The following PKIA variants were observed in gnomAD, a reference collection of about 807,000 sequenced individuals.
The protein encoded by PKIA is PKI-alpha.
Under a neutral mutation model 7.6 loss-of-function variants are expected in PKIA, and 4 were observed. That is an observed-to-expected ratio of 0.52 (90% confidence interval 0.26 to 1.20). The LOEUF (loss-of-function observed/expected upper bound fraction) is 1.20. Ranked by LOEUF, PKIA falls within the 50% of genes most tolerant of loss-of-function variation. The pLI is 0.13. For missense variants in PKIA, 73 were observed against 86.2 expected, an observed-to-expected ratio of 0.85 and a Z score of 0.61; for synonymous variants, 21 against 30.7, an observed-to-expected ratio of 0.68 and a Z score of 1.04.
At chr8:78,593,412 T>A (rs1808151724) in intron 2 of PKIA, among the ~76,000 whole-genome samples, 1 of 152,124 alleles carries the variant, frequency 6.6e-6, no homozygotes, top group South Asian at 2.1e-4. Flanking sequence ...TGAGCCACCA[T>A]GCCTGGCCTA....
intron 1 of PKIA, among the ~76,000 whole-genome samples, chr8:78,537,890 T>C (rs1053389857): frequency 6.6e-6 from 1 of 152,100 alleles, no homozygotes; most frequent in Non-Finnish European, 1.5e-5. Context: ...TCATGTTTTC[T>C]TGCTTTAAAT....
chr8:78,601,862 A>C lies in PKIA; in HGVS notation c.*41A>C. 1 of 1,427,396 alleles carries C rather than the reference A, an allele frequency of 7.0e-7. No individual in the cohort carries two copies. Among genetic ancestry groups the C allele is most frequent in the Non-Finnish European group, 9.9e-7 (1 of 1,013,214 alleles). The allele number at this position is 1,427,396 out of a possible 1,614,324, so 88.4% of individuals were successfully genotyped here. A position where few individuals can be genotyped will look rare whatever the true frequency, so the allele number is the denominator to read the frequency against. On this transcript the variant is annotated 3_prime_UTR_variant, in exon 4 of 4. Transcript: ENST00000396418. The stretch of plus-strand genomic sequence containing the variant: ...CTCGACCACACCTGAAAATGTCTCA[A>C]ATCTCCAGGAGTATCTGGAATGCAT...
intron 2 of PKIA, among the ~76,000 whole-genome samples, chr8:78,590,320 CAA>C (rs375348036): frequency 6.0e-5 from 9 of 149,388 alleles, no homozygotes; most frequent in African/African-American, 2.2e-4. Flanking sequence ...ATTGCGTGGA[CAA>C]AAGACCATTT....
intron 2 of PKIA, among the ~76,000 whole-genome samples, chr8:78,596,502 G>A (rs1808229328): frequency 6.6e-6 from 1 of 152,170 alleles, no homozygotes; most frequent in Non-Finnish European, 1.5e-5. Context: ...GCCTCCCAGA[G>A]TGCTGGGATT....
At chr8:78,569,751 T>C (rs977300971) in intron 1 of PKIA, among the ~76,000 whole-genome samples, 5 of 152,130 alleles carry the variant, frequency 3.3e-5, no homozygotes, top group African/African-American at 7.2e-5. Flanking sequence ...AAAGCAATTA[T>C]GTATTTCTTA....
At chr8:78,549,124 A>C (rs111325374) in intron 1 of PKIA, among the ~76,000 whole-genome samples, 11 of 152,094 alleles carry the variant, frequency 7.2e-5, no homozygotes, top group African/African-American at 2.4e-4. Flanking sequence ...GGGTATATGT[A>C]TATGGGTGTT....
intron 1 of PKIA, among the ~76,000 whole-genome samples, chr8:78,567,594 G>C (rs947743464): frequency 1.3e-5 from 2 of 149,854 alleles, no homozygotes; most frequent in African/African-American, 5.0e-5. Flanking sequence ...GTCATCATCA[G>C]GTTTCTTCAC....
intron 1 of PKIA, among the ~76,000 whole-genome samples, chr8:78,543,400 T>G (rs1806744348): frequency 6.6e-6 from 1 of 152,192 alleles, no homozygotes; most frequent in Non-Finnish European, 1.5e-5. Flanking sequence ...TTCACCAGGC[T>G]AACAGATACC....
intron 1 of PKIA, among the ~76,000 whole-genome samples, chr8:78,571,190 T>G (rs996755548): frequency 6.6e-6 from 1 of 152,018 alleles, no homozygotes; most frequent in Admixed American, 6.6e-5. Flanking sequence ...ATACAAAGTT[T>G]TCCAGGAGAT....
chr8:78,532,242 A>T (rs1463421981), intron 1 of PKIA, among the ~76,000 whole-genome samples: 2 of 152,016 alleles, frequency 1.3e-5, no homozygotes, highest in African/African-American at 4.8e-5. Flanking sequence ...CTCAAAGCTT[A>T]TTTAATATTA....
At chr8:78,538,805 C>T (rs1392335067) in intron 1 of PKIA, among the ~76,000 whole-genome samples, 1 of 152,008 alleles carries the variant, frequency 6.6e-6, no homozygotes, top group Non-Finnish European at 1.5e-5. Context: ...GTTACCGTAG[C>T]ATATGTGGCT....
chr8:78,601,876 T>A lies in PKIA; in HGVS notation c.*55T>A. 1.5e-6 allele frequency: 2 copies of A among 1,302,094 alleles called. No homozygotes were observed. The highest frequency in any genetic ancestry group is 1.7e-5 in the Admixed American group (1 of 57,194). The allele number at this position is 1,302,094 out of a possible 1,614,324, so 80.7% of individuals were successfully genotyped here. On this transcript the variant is annotated 3_prime_UTR_variant, in exon 4 of 4. Transcript: ENST00000396418. The stretch of plus-strand genomic sequence containing the variant: ...AAAATGTCTCAAATCTCCAGGAGTA[T>A]CTGGAATGCATTTGTTTCCATGAGT...
Position 78,602,714 on chromosome 8 carries a change from T to TATATATATATATATATATATA in PKIA, c.*893_*894insATATATATATATATATATATA, listed in dbSNP as rs1563597495. The TATATATATATATATATATATA allele has an allele frequency of 6.8e-5, 10 of 147,988 alleles. No homozygotes were observed. Among genetic ancestry groups the TATATATATATATATATATATA allele is most frequent in the African/African-American group, 7.5e-5 (3 of 40,080 alleles). 9.2% of individuals were successfully genotyped at this position (147,988 alleles called of 1,614,324 possible). On this transcript the variant is annotated 3_prime_UTR_variant, in exon 4 of 4. Coordinates refer to ENST00000396418, the MANE Select transcript of PKIA (RefSeq NM_006823.4). The stretch of plus-strand genomic sequence containing the variant: ...CACATAATATATATATATATATATA[T>TATATATATATATATATATATA]TTTAATTTATGAGAATTTTGGACAA...
intron 1 of PKIA, among the ~76,000 whole-genome samples, chr8:78,552,887 A>T (rs1489007691): frequency 6.6e-6 from 1 of 151,948 alleles, no homozygotes; most frequent in Non-Finnish European, 1.5e-5. Flanking sequence ...CCCATTAATT[A>T]TCTTCAACAT....
intron 2 of PKIA, among the ~76,000 whole-genome samples, chr8:78,579,897 C>T (rs199591309): frequency 6.6e-6 from 1 of 152,018 alleles, no homozygotes; most frequent in East Asian, 1.9e-4. Flanking sequence ...ATATGGTTTA[C>T]AGACAACCCT....
intron 2 of PKIA, among the ~76,000 whole-genome samples, chr8:78,589,753 A>C (rs1297718190): frequency 1.3e-5 from 2 of 152,164 alleles, no homozygotes; most frequent in Non-Finnish European, 2.9e-5. Flanking sequence ...AGCAGTAAAA[A>C]AAAAAATTCA....
At chr8:78,532,439 G>T (rs1273125577) in intron 1 of PKIA, among the ~76,000 whole-genome samples, 3 of 151,548 alleles carry the variant, frequency 2.0e-5, no homozygotes, top group African/African-American at 7.3e-5. Context: ...AATTTTTCTA[G>T]GCGGAGCTTG....
chr8:78,590,516 C>G (rs1808069316), intron 2 of PKIA, among the ~76,000 whole-genome samples: 1 of 151,996 alleles, frequency 6.6e-6, no homozygotes, highest in Admixed American at 6.6e-5. Context: ...TGTACTTCAA[C>G]TAAAACAACA....
intron 1 of PKIA, chr8:78,533,908 TCA>T (rs1386556568): frequency 6.6e-6 from 1 of 151,890 alleles, no homozygotes; most frequent in African/African-American, 2.4e-5. Context: ...GCAAAAAAAC[TCA>T]GTTTAATATG....
Sources: gnomAD v4.1 joint callset for allele counts (sites outside exome capture counted in the v4.1 genomes callset) on GRCh38, gnomAD v4.1.1 for gene constraint, MANE v1.5 for transcripts, NCBI Gene and HGNC (gene_info 2026-07-23, HGNC 2026-07-21) for gene names.